Variants in ART1 observed in about 807,000 individuals in gnomAD.
The protein encoded by ART1 is ADP-ribosyltransferase 1, also known as GPI-linked NAD(P)(+)--arginine ADP-ribosyltransferase 1.
ART1 carries 29 observed loss-of-function variants against 27.0 expected under a neutral mutation model. That is an observed-to-expected ratio of 1.08 (90% CI 0.80 to 1.47). The LOEUF is 1.47. ART1 is among the 40% of genes most tolerant of loss of function. The pLI is 0.00. For missense variants in ART1, 480 were observed against 423.0 expected (o/e 1.13, Z -1.18); for synonymous variants, 201 against 172.2 (o/e 1.17, Z -1.31).
At chr11:3,653,558 C>A (rs1276490852) in intron 1 of ART1, among the ~76,000 whole-genome samples, 1 of 152,104 alleles carries the variant, frequency 6.6e-6, no homozygotes, top group Admixed American at 6.6e-5. Context: ...CGGACTCAGT[C>A]CACCTGCACT....
rs187270663 is a variant in ART1 at position 3,649,823 on chromosome 11, T to C, written c.-53+4644T>C. Among the ~76,000 whole-genome samples the C allele has an allele frequency of 3.8e-3, 575 of 152,302 alleles. 2 individuals are homozygous for C. The highest frequency in any genetic ancestry group is 6.2e-3 in the Non-Finnish European group (422 of 68,028). Reference sequence around the variant, plus strand: ...TCCCGAATCAGAGCGTTTAGGCTTTTTCATCAAATAAGAAAAACCCCGCCC... The same window carrying C: ...TCCCGAATCAGAGCGTTTAGGCTTTCTCATCAAATAAGAAAAACCCCGCCC... On this transcript the variant is annotated intron_variant, in intron 1 of 4. Coordinates refer to ENST00000250693, the MANE Select transcript of ART1 (RefSeq NM_004314.3).
intron 3 of ART1, 151 bp downstream of exon 3, chr11:3,660,514 G>GGGGTT: frequency 3.1e-6 from 3 of 958,496 alleles, no homozygotes; most frequent in Non-Finnish European, 4.5e-6. Context: ...TTCCATCTAA[G>GGGGTT]GGGAGACATA....
intron 1 of ART1, among the ~76,000 whole-genome samples, chr11:3,655,061 G>A (rs1250930035): frequency 6.6e-6 from 1 of 152,190 alleles, no homozygotes; most frequent in Admixed American, 6.5e-5. Flanking sequence ...TTGGGTTGAC[G>A]GCAAGTGGCT....
intron 1 of ART1, among the ~76,000 whole-genome samples, chr11:3,648,282 G>A (rs890589741): frequency 3.9e-5 from 6 of 152,160 alleles, no homozygotes; most frequent in African/African-American, 7.2e-5. Flanking sequence ...CCTGTTTGGT[G>A]GTGTCTTCAC....
At chr11:3,655,295 C>G (rs61878551) in intron 1 of ART1, among the ~76,000 whole-genome samples, 16,165 of 150,334 alleles carry the variant, frequency 0.11, 943 homozygotes, top group African/African-American at 0.13. Context: ...TAAAGTGATC[C>G]CAAGAAATAC....
rs140449390 is a variant in ART1 at position 3,664,105 on chromosome 11, C to G, written c.900C>G (p.Ser300Arg). 47 of 1,613,802 alleles carry G rather than the reference C, an allele frequency of 2.9e-5. No homozygotes were observed. In the African/African-American group the frequency reaches 5.6e-4, roughly 19 times the overall value. ...CHLDNSAMGQ[S>R]PLSAVWSLLL... ...TTTTCCCTGCAGCCATGGGTCAGAGCCCCCTCTCTGCAGTCTGGTCTTTGC... is the reference window on the plus strand; with the variant it reads ...TTTTCCCTGCAGCCATGGGTCAGAGGCCCCTCTCTGCAGTCTGGTCTTTGC... Residue 300 changes from serine (S) to arginine (R), a missense_variant, in exon 5 of 5, where the codon AGC (serine) becomes AGG (arginine). Coordinates refer to ENST00000250693, the MANE Select transcript of ART1 (RefSeq NM_004314.3).
At chr11:3,653,214 T>A (rs1364639113) in intron 1 of ART1, among the ~76,000 whole-genome samples, 1 of 148,770 alleles carries the variant, frequency 6.7e-6, no homozygotes, top group Non-Finnish European at 1.5e-5. Context: ...CTTATTAATA[T>A]AAGAAGACAG....
At chr11:3,652,721 C>T (rs1197741208) in intron 1 of ART1, among the ~76,000 whole-genome samples, 3 of 151,626 alleles carry the variant, frequency 2.0e-5, no homozygotes, top group African/African-American at 7.3e-5. Flanking sequence ...CTCAACTACT[C>T]ATACATGTCC....
chr11:3,651,249 AG>A (rs199737385), intron 1 of ART1, among the ~76,000 whole-genome samples: 4,847 of 145,574 alleles, frequency 0.033, 158 homozygotes, highest in South Asian at 0.13. Context: ...GCTTTCACTT[AG>A]ACTGACCCTG....
rs759029297 is a variant in ART1 at position 3,660,029 on chromosome 11, T to G, written c.510T>G (p.Arg170=). The G allele has an allele frequency of 2.4e-5, 38 of 1,613,668 alleles. No homozygotes were observed. The highest frequency in any genetic ancestry group is 8.0e-5 in the African/African-American group (6 of 74,940). The change falls in exon 3 of 5, where the codon CGT becomes CGG. Residue 170 remains arginine, a synonymous_variant. Coordinates refer to ENST00000250693, the MANE Select transcript of ART1 (RefSeq NM_004314.3). ...EALQLLGSGQ[R]PPRCHQVFRG... ...TGCAGCTCCTGGGCAGCGGCCAGCG[T>G]CCACCCCGGTGCCACCAGGTGTTCC...
In ART1 at chr11:3,660,128, C is replaced by G; in HGVS notation, c.609C>G (p.Ala203=). The G allele has an allele frequency of 6.2e-7, 1 of 1,613,936 alleles. No individual in the cohort carries two copies. Among genetic ancestry groups the G allele is most frequent in the Non-Finnish European group, 8.5e-7 (1 of 1,180,012 alleles). ...ATVRLGGFAS[A]SLKHVAAQQF... ...TGAGGCTGGGGGGCTTTGCTTCTGC[C>G]TCCCTGAAGCATGTTGCAGCCCAGC... The change falls in exon 3 of 5, where the codon GCC becomes GCG. Residue 203 remains alanine, a synonymous_variant. Coordinates refer to ENST00000250693, the MANE Select transcript of ART1 (RefSeq NM_004314.3).
At chr11:3,658,348 A>AAG (rs1263026071) in intron 1 of ART1, among the ~76,000 whole-genome samples, 1 of 151,096 alleles carries the variant, frequency 6.6e-6, no homozygotes, top group South Asian at 2.1e-4. Context: ...AAAAAAAAAA[A>AAG]AGAGAGAGAA....
At chr11:3,652,568 T>C (rs1163378885) in intron 1 of ART1, among the ~76,000 whole-genome samples, 1 of 152,182 alleles carries the variant, frequency 6.6e-6, no homozygotes, top group Non-Finnish European at 1.5e-5. Context: ...TGCTACAAGA[T>C]ACAGCCCATT....
intron 1 of ART1, among the ~76,000 whole-genome samples, chr11:3,649,368 C>T (rs938773274): frequency 2.0e-5 from 3 of 152,206 alleles, no homozygotes; most frequent in African/African-American, 7.2e-5. Flanking sequence ...CTAAATAATT[C>T]TTGTCGTAAA....
At chr11:3,662,052 C>T (rs2077625612) in intron 4 of ART1, among the ~76,000 whole-genome samples, 1 of 152,236 alleles carries the variant, frequency 6.6e-6, no homozygotes, top group African/African-American at 2.4e-5. Context: ...ACAAAGTCCT[C>T]CTTTGGTCCT....
chr11:3,664,237 G>A lies in ART1; in HGVS notation c.*48G>A. On this transcript the variant is annotated 3_prime_UTR_variant, in exon 5 of 5. Coordinates refer to ENST00000250693, the MANE Select transcript of ART1 (RefSeq NM_004314.3). ...CGCCTGCTGCCTCTGCCCATCCTGA[G>A]GATGTTGGCCATGTGTGCTTTCAGT... The A allele has an allele frequency of 6.4e-7, 1 of 1,573,066 alleles. No homozygotes were observed. Among genetic ancestry groups the A allele is most frequent in the Non-Finnish European group, 8.7e-7 (1 of 1,146,708 alleles).
intron 4 of ART1, among the ~76,000 whole-genome samples, chr11:3,663,124 C>CTCA (rs1554883268): frequency 8.1e-5 from 12 of 147,360 alleles, no homozygotes; most frequent in Non-Finnish European, 1.6e-4. Flanking sequence ...CTCATCTCAT[C>CTCA]TCATCTCATC....
intron 3 of ART1, 63 bp downstream of exon 3, chr11:3,660,426 C>T (rs2077612451): frequency 6.5e-7 from 1 of 1,532,226 alleles, no homozygotes; most frequent in Non-Finnish European, 8.7e-7. Flanking sequence ...CCACCAGGGA[C>T]TTTGGCAAAC....
At chr11:3,650,820 A>T (rs2077515737) in intron 1 of ART1, among the ~76,000 whole-genome samples, 1 of 137,788 alleles carries the variant, frequency 7.3e-6, no homozygotes, top group Admixed American at 8.0e-5. Context: ...GTATCTCCCC[A>T]CCTTAATCCA....
Sources: allele counts gnomAD v4.1 joint callset (sites outside exome capture counted in the v4.1 genomes callset), GRCh38; gene constraint gnomAD v4.1.1; transcripts MANE v1.5; gene names NCBI Gene and HGNC (gene_info 2026-07-23, HGNC 2026-07-21).